The following MARCHF1 variants were observed in gnomAD, a reference collection of about 807,000 sequenced individuals.
MARCHF1 encodes the protein E3 ubiquitin-protein ligase MARCHF1.
In MARCHF1, 40 loss-of-function variants were observed where a neutral mutation model predicts 54.2. The ratio of observed to expected loss-of-function variants is 0.74; its 90% CI spans 0.57 to 0.96. The LOEUF is 0.96. Among genes scored for constraint, MARCHF1 ranks in the 40% least tolerant of loss-of-function variants. MARCHF1 has a pLI of 0.00. For synonymous variants in MARCHF1, 236 were observed against 236.3 expected, an observed-to-expected ratio of 1.00 and a Z score of 0.01; for missense variants, 586 against 656.5, an observed-to-expected ratio of 0.89 and a Z score of 1.17.
At chr4:163,567,088 A>G (rs1739668846) in intron 8 of MARCHF1, among the ~76,000 whole-genome samples, 1 of 152,192 alleles carries the variant, frequency 6.6e-6, no homozygotes, top group Non-Finnish European at 1.5e-5. Flanking sequence ...TATGCATGTA[A>G]CAAAGCTGCA....
chr4:164,182,705 A>G (rs571142514), intron 1 of MARCHF1, among the ~76,000 whole-genome samples: 1 of 152,054 alleles, frequency 6.6e-6, no homozygotes, highest in African/African-American at 2.4e-5. Context: ...AAATTAAAAA[A>G]AGAAGAAGCT....
intron 1 of MARCHF1, among the ~76,000 whole-genome samples, chr4:164,243,484 T>C (rs1036724650): frequency 9.9e-5 from 15 of 152,018 alleles, no homozygotes; most frequent in African/African-American, 2.9e-4. Context: ...GAACAACCAG[T>C]ACCAGCCGCT....
chr4:163,620,839 G>A (rs1178179690), intron 5 of MARCHF1, among the ~76,000 whole-genome samples: 1 of 152,096 alleles, frequency 6.6e-6, no homozygotes, highest in Admixed American at 6.6e-5. Context: ...TGGGATCATT[G>A]GAAACCTTTA....
intron 3 of MARCHF1, among the ~76,000 whole-genome samples, chr4:163,865,304 T>C (rs1007023683): frequency 2.0e-5 from 3 of 151,878 alleles, no homozygotes; most frequent in Non-Finnish European, 4.4e-5. Flanking sequence ...GTGAAACATC[T>C]TTTGAATATA....
Position 163,690,118 on chromosome 4 carries a change from A to G in MARCHF1, c.162+10695T>C, listed in dbSNP as rs147598607. ...GAGTTCTTCAGCTAAGGAGACACAG[A>G]GCATGAAGACTACTTGCCAACAGAA... is the stretch of plus-strand genomic sequence containing the variant. On this transcript the variant is annotated intron_variant, in intron 5 of 9. Transcript: ENST00000514618. 8.0e-3 allele frequency among the ~76,000 whole-genome samples: 1,219 copies of G among 152,318 alleles called. 11 individuals carry two copies. Among genetic ancestry groups the G allele is most frequent in the South Asian group, 0.035 (170 of 4,832 alleles).
At chr4:164,225,404 T>G (rs1171852694) in intron 1 of MARCHF1, among the ~76,000 whole-genome samples, 1 of 152,106 alleles carries the variant, frequency 6.6e-6, no homozygotes, top group African/African-American at 2.4e-5. Flanking sequence ...TGATGTCCTG[T>G]GACAAGACTG....
At chr4:164,014,935 A>T (rs958753335) in intron 2 of MARCHF1, among the ~76,000 whole-genome samples, 1 of 152,204 alleles carries the variant, frequency 6.6e-6, no homozygotes, top group African/African-American at 2.4e-5. Context: ...TAATAGCTTG[A>T]TACTTCAACA....
At chr4:164,091,655 T>C (rs976137360) in intron 2 of MARCHF1, among the ~76,000 whole-genome samples, 1 of 151,938 alleles carries the variant, frequency 6.6e-6, no homozygotes, top group Non-Finnish European at 1.5e-5. Flanking sequence ...AGATCACCTA[T>C]CTACAAGTAG....
intron 8 of MARCHF1, among the ~76,000 whole-genome samples, chr4:163,583,093 CACAGAGG>C (rs1740282039): frequency 6.6e-6 from 1 of 152,162 alleles, no homozygotes; most frequent in South Asian, 2.1e-4. Flanking sequence ...ACACAAGTGC[CACAGAGG>C]TACACAGATG....
At chr4:163,601,182 C>A (rs913022113) in intron 7 of MARCHF1, among the ~76,000 whole-genome samples, 9 of 152,060 alleles carry the variant, frequency 5.9e-5, no homozygotes, top group Admixed American at 5.9e-4. Context: ...AGATGAGAAC[C>A]TAACTGTGGT....
intron 3 of MARCHF1, among the ~76,000 whole-genome samples, chr4:163,876,271 A>G (rs1750287151): frequency 6.6e-6 from 1 of 152,152 alleles, no homozygotes; most frequent in Non-Finnish European, 1.5e-5. Context: ...ACTTTTCTTC[A>G]GAATTTGTTC....
At chr4:163,758,903 G>GAAATTTGGA (rs1441163616) in intron 4 of MARCHF1, among the ~76,000 whole-genome samples, 1 of 151,996 alleles carries the variant, frequency 6.6e-6, no homozygotes, top group Non-Finnish European at 1.5e-5. Flanking sequence ...ATTCACTTAT[G>GAAATTTGGA]AAATTTGGAA....
chr4:163,553,112 G>T (rs1739170491), intron 8 of MARCHF1, among the ~76,000 whole-genome samples: 1 of 152,196 alleles, frequency 6.6e-6, no homozygotes, highest in African/African-American at 2.4e-5. Context: ...GTGACCTTGG[G>T]TGAGTTATTT....
intron 1 of MARCHF1, among the ~76,000 whole-genome samples, chr4:164,243,956 A>G: frequency 6.6e-6 from 1 of 152,150 alleles, no homozygotes; most frequent in East Asian, 1.9e-4. Context: ...AGATTCATAA[A>G]GCAAGTCTGA....
chr4:163,567,819 AT>A lies in MARCHF1; in HGVS notation c.1191+17929del, dbSNP rs540553216. 4.2e-3 allele frequency among the ~76,000 whole-genome samples: 636 copies of A among 150,364 alleles called. 6 individuals are homozygous for A. The highest frequency in any genetic ancestry group is 0.014 in the African/African-American group (584 of 41,038). The stretch of plus-strand genomic sequence containing the variant: ...TAAACAGACTAATACACAAGACTTG[AT>A]TTTTTTTTTATTTTTATTTTTTGAG... On this transcript the variant is annotated intron_variant, in intron 8 of 9. Coordinates refer to ENST00000514618, the MANE Select transcript of MARCHF1 (RefSeq NM_001394959.1).
intron 3 of MARCHF1, among the ~76,000 whole-genome samples, chr4:163,854,550 T>A (rs750131658): frequency 1.2e-4 from 19 of 152,162 alleles, no homozygotes; most frequent in Non-Finnish European, 2.8e-4. Context: ...TTCAATGACA[T>A]CTAAAATTTG....
chr4:163,954,227 T>G (rs1271781509), intron 3 of MARCHF1, among the ~76,000 whole-genome samples: 2 of 152,178 alleles, frequency 1.3e-5, no homozygotes, highest in Non-Finnish European at 2.9e-5. Flanking sequence ...ACATGGAATA[T>G]TAAGAGAGCA....
chr4:163,745,661 G>T (rs1419245863), intron 4 of MARCHF1, among the ~76,000 whole-genome samples: 2 of 152,042 alleles, frequency 1.3e-5, no homozygotes, highest in Non-Finnish European at 2.9e-5. Context: ...TTCTCCAATT[G>T]CTCATCCAAC....
At chr4:164,081,822 G>A (rs1755107869) in intron 2 of MARCHF1, among the ~76,000 whole-genome samples, 1 of 152,152 alleles carries the variant, frequency 6.6e-6, no homozygotes, top group Non-Finnish European at 1.5e-5. Flanking sequence ...AGCTACTTAA[G>A]TGTTTTGCCT....
Sources: allele counts gnomAD v4.1 joint callset (sites outside exome capture counted in the v4.1 genomes callset), GRCh38; gene constraint gnomAD v4.1.1; transcripts MANE v1.5; gene names NCBI Gene and HGNC (gene_info 2026-07-23, HGNC 2026-07-21).